Variants in MSRA observed in about 807,000 individuals in gnomAD.
MSRA encodes the protein methionine sulfoxide reductase A, also known as mitochondrial peptide methionine sulfoxide reductase.
MSRA carries 54 observed loss-of-function variants against 31.3 expected under a neutral mutation model. The observed-to-expected ratio is 1.73, with a 90% CI of 1.39 to 2.17. MSRA has a LOEUF of 2.17. MSRA is among the 30% of genes most tolerant of loss of function. The pLI is 0.00. For synonymous variants in MSRA, 169 were observed against 116.5 expected (o/e 1.45, Z -2.90); for missense variants, 507 against 300.9 (o/e 1.69, Z -5.07).
intron 1 of MSRA, among the ~76,000 whole-genome samples, chr8:10,089,573 T>G (rs1471227084): frequency 1.3e-5 from 2 of 152,344 alleles, no homozygotes; most frequent in Middle Eastern, 6.8e-3. Flanking sequence ...GGTAGGTGTT[T>G]GTCTTAGGTC....
chr8:10,099,878 A>G (rs559239754), intron 1 of MSRA, among the ~76,000 whole-genome samples: 4 of 152,250 alleles, frequency 2.6e-5, no homozygotes, highest in African/African-American at 9.6e-5. Flanking sequence ...CATTTTCCCA[A>G]AGCATCCCAT....
chr8:10,187,497 C>T (rs1483622801), intron 1 of MSRA, among the ~76,000 whole-genome samples: 2 of 152,182 alleles, frequency 1.3e-5, no homozygotes, highest in Non-Finnish European at 2.9e-5. Context: ...AGGTGCCTGA[C>T]TTACACAACC....
intron 4 of MSRA, among the ~76,000 whole-genome samples, chr8:10,306,109 C>G (rs115067193): frequency 6.6e-6 from 1 of 152,256 alleles, no homozygotes; most frequent in African/African-American, 2.4e-5. Context: ...CAGACTCCCA[C>G]TGTCTCCAGG....
chr8:10,312,724 G>A lies in MSRA; in HGVS notation c.437-7159G>A, dbSNP rs528547133. 3.2e-3 allele frequency among the ~76,000 whole-genome samples: 489 copies of A among 152,214 alleles called. 4 individuals carry two copies. The highest frequency in any genetic ancestry group is 5.6e-3 in the Non-Finnish European group (380 of 68,016). Reference sequence around the variant, plus strand: ...ATGACCAATTTTAGTTTCCTCCAACGAACACAAGCTTAGTTTAGCACTTTA... The same window carrying A: ...ATGACCAATTTTAGTTTCCTCCAACAAACACAAGCTTAGTTTAGCACTTTA... On this transcript the variant is annotated intron_variant, in intron 4 of 5. Transcript: ENST00000317173.
intron 1 of MSRA, among the ~76,000 whole-genome samples, chr8:10,066,826 C>T (rs1239549555): frequency 6.6e-6 from 1 of 152,030 alleles, no homozygotes; most frequent in Non-Finnish European, 1.5e-5. Flanking sequence ...TGAGCTGCTG[C>T]ACCTGGCTCA....
intron 4 of MSRA, among the ~76,000 whole-genome samples, chr8:10,303,046 C>A (rs548735457): frequency 2.0e-5 from 3 of 152,178 alleles, no homozygotes; most frequent in African/African-American, 7.2e-5. Flanking sequence ...GTCATCAATC[C>A]AGATGGAGCA....
At chr8:10,245,560 T>A (rs923256057) in intron 3 of MSRA, among the ~76,000 whole-genome samples, 2 of 152,214 alleles carry the variant, frequency 1.3e-5, no homozygotes, top group Non-Finnish European at 2.9e-5. Context: ...TGGGATTTGC[T>A]CATGTGGCTA....
chr8:10,427,204 A>G (rs1040115843), intron 5 of MSRA, among the ~76,000 whole-genome samples: 1 of 152,198 alleles, frequency 6.6e-6, no homozygotes, highest in Non-Finnish European at 1.5e-5. Flanking sequence ...GAATGGAGGC[A>G]GTGAGAGTGG....
chr8:10,085,279 T>G (rs1264551995), intron 1 of MSRA, among the ~76,000 whole-genome samples: 1 of 152,210 alleles, frequency 6.6e-6, no homozygotes, highest in Non-Finnish European at 1.5e-5. Context: ...CGTTTCTGAT[T>G]TCCACTCATC....
intron 2 of MSRA, among the ~76,000 whole-genome samples, chr8:10,212,158 G>T (rs1268369881): frequency 6.6e-6 from 1 of 151,772 alleles, no homozygotes; most frequent in Admixed American, 6.6e-5. Flanking sequence ...CTGCACTCCA[G>T]CCTAGGTAAC....
chr8:10,377,077 A>G (rs1805796369), intron 5 of MSRA, among the ~76,000 whole-genome samples: 1 of 152,248 alleles, frequency 6.6e-6, no homozygotes, highest in Non-Finnish European at 1.5e-5. Flanking sequence ...AAAGTTATGC[A>G]CTAACTTCTA....
At chr8:10,256,313 T>TAGCACTGA (rs975158793) in intron 3 of MSRA, among the ~76,000 whole-genome samples, 1 of 152,250 alleles carries the variant, frequency 6.6e-6, no homozygotes, top group African/African-American at 2.4e-5. Flanking sequence ...CATTTCTTTT[T>TAGCACTGA]AGCACTGAAT....
intron 3 of MSRA, among the ~76,000 whole-genome samples, chr8:10,298,752 G>T (rs1352393564): frequency 6.6e-6 from 1 of 152,114 alleles, no homozygotes; most frequent in African/African-American, 2.4e-5. Flanking sequence ...TATTTTAATG[G>T]TTCTATGAAA....
intron 1 of MSRA, among the ~76,000 whole-genome samples, chr8:10,083,756 T>C (rs901477250): frequency 6.6e-6 from 1 of 152,220 alleles, no homozygotes; most frequent in African/African-American, 2.4e-5. Context: ...TTTGAAGATT[T>C]AAGGTAATAA....
At chr8:10,316,573 T>TCC (rs71203311) in intron 4 of MSRA, among the ~76,000 whole-genome samples, 4 of 140,094 alleles carry the variant, frequency 2.9e-5, no homozygotes, top group Admixed American at 2.3e-4. Context: ...TCTCTCTCTC[T>TCC]CCTTCCTCCT....
intron 5 of MSRA, among the ~76,000 whole-genome samples, chr8:10,411,850 G>C (rs946675284): frequency 6.6e-6 from 1 of 152,206 alleles, no homozygotes; most frequent in Non-Finnish European, 1.5e-5. Context: ...GCAGCTCCTA[G>C]CTAGGTAGTC....
In MSRA at chr8:10,089,009, A is replaced by G. The variant is rs192451913; in HGVS notation, c.142+34351A>G. On this transcript the variant is annotated intron_variant, in intron 1 of 5. Transcript: ENST00000317173. The stretch of plus-strand genomic sequence containing the variant: ...GCGGGTGGGGAGAGGAATTGGGGAG[A>G]TGTAGATCAAAGGATAAATAAAAAC... 1.4e-3 allele frequency among the ~76,000 whole-genome samples: 215 copies of G among 152,304 alleles called. 1 individual carries two copies. In the Middle Eastern group the frequency reaches 0.017, roughly 12 times the overall value.
chr8:10,321,388 A>G (rs1296628182), intron 5 of MSRA, among the ~76,000 whole-genome samples: 1 of 152,056 alleles, frequency 6.6e-6, no homozygotes, highest in Admixed American at 6.5e-5. Flanking sequence ...GAGCAAGTAG[A>G]AGGACGGGTG....
At chr8:10,094,185 C>G (rs1360528899) in intron 1 of MSRA, among the ~76,000 whole-genome samples, 1 of 152,178 alleles carries the variant, frequency 6.6e-6, no homozygotes, top group African/African-American at 2.4e-5. Flanking sequence ...ATCTCTGTAG[C>G]ATTTTATTGA....
Sources: gnomAD v4.1 joint callset for allele counts (sites outside exome capture counted in the v4.1 genomes callset) on GRCh38, gnomAD v4.1.1 for gene constraint, MANE v1.5 for transcripts, NCBI Gene and HGNC (gene_info 2026-07-23, HGNC 2026-07-21) for gene names.